Variants in ABTB3 observed in about 807,000 individuals in gnomAD.
The protein encoded by ABTB3 is ankyrin repeat- and BTB/POZ domain-containing protein 3.
the ABTB3 span, among the ~76,000 whole-genome samples, chr12:107,432,954 GCTT>G: frequency 1.6e-4 from 25 of 152,162 alleles, no homozygotes; most frequent in African/African-American, 5.6e-4. Flanking sequence ...CTATTTGCCT[GCTT>G]CTTCTTCACG....
At chr12:107,542,526 C>G in the ABTB3 span, among the ~76,000 whole-genome samples, 1 of 152,076 alleles carries the variant, frequency 6.6e-6, no homozygotes, top group Non-Finnish European at 1.5e-5. Context: ...TTCTGTAACA[C>G]CTGTTACGTA....
At chr12:107,614,610 G>A in the ABTB3 span, among the ~76,000 whole-genome samples, 1 of 152,128 alleles carries the variant, frequency 6.6e-6, no homozygotes. Flanking sequence ...GGAAGAAGGG[G>A]ACAGGCCAGA....
chr12:107,537,143 A>G, the ABTB3 span, among the ~76,000 whole-genome samples: 1 of 151,518 alleles, frequency 6.6e-6, no homozygotes, highest in African/African-American at 2.4e-5. Flanking sequence ...TAAATACCAC[A>G]TGATCTTCTT....
chr12:107,435,927 G>C, the ABTB3 span, among the ~76,000 whole-genome samples: 1 of 152,170 alleles, frequency 6.6e-6, no homozygotes, highest in African/African-American at 2.4e-5. Context: ...TTGAAATGGG[G>C]CAAGTGTGCC....
the ABTB3 span, among the ~76,000 whole-genome samples, chr12:107,646,361 C>T: frequency 1.3e-5 from 2 of 152,226 alleles, no homozygotes; most frequent in Non-Finnish European, 2.9e-5. Flanking sequence ...GCAGCCCCAC[C>T]TGGAATATAG....
the ABTB3 span, among the ~76,000 whole-genome samples, chr12:107,651,472 C>T: frequency 2.6e-5 from 4 of 152,170 alleles, no homozygotes; most frequent in East Asian, 5.8e-4. Flanking sequence ...CTCCCCCTCC[C>T]GCTCCCCCGT....
chr12:107,324,243 G>A, the ABTB3 span, among the ~76,000 whole-genome samples: 1 of 152,102 alleles, frequency 6.6e-6, no homozygotes, highest in Non-Finnish European at 1.5e-5. Context: ...AGCCAACAAG[G>A]CACAGAATTT....
chr12:107,319,602 T>C, the ABTB3 span: 1 of 1,537,236 alleles, frequency 6.5e-7, no homozygotes, highest in East Asian at 2.4e-5. Context: ...CGCTGGATGG[T>C]GGACAGCCGC....
At chr12:107,629,470 C>T in the ABTB3 span, among the ~76,000 whole-genome samples, 1 of 152,156 alleles carries the variant, frequency 6.6e-6, no homozygotes, top group Non-Finnish European at 1.5e-5. Context: ...TTTGTATGAC[C>T]ACACAGTTCT....
At chr12:107,645,014 C>T in the ABTB3 span, among the ~76,000 whole-genome samples, 1 of 141,472 alleles carries the variant, frequency 7.1e-6, no homozygotes, top group Non-Finnish European at 1.5e-5. Context: ...CCCTTGTTGC[C>T]CAGGCTGGAG....
chr12:107,319,092 G>T, the ABTB3 span: 2 of 1,608,960 alleles, frequency 1.2e-6, no homozygotes, highest in Non-Finnish European at 1.7e-6. Context: ...GGCGGGAGCT[G>T]CTGGCCGCCT....
At chr12:107,566,464 A>T in the ABTB3 span, among the ~76,000 whole-genome samples, 1 of 152,362 alleles carries the variant, frequency 6.6e-6, no homozygotes, top group South Asian at 2.1e-4. Flanking sequence ...TAGTTATAAC[A>T]GAATTACTAA....
the ABTB3 span, among the ~76,000 whole-genome samples, chr12:107,487,237 G>A: frequency 6.6e-6 from 1 of 152,158 alleles, no homozygotes; most frequent in African/African-American, 2.4e-5. Context: ...TGGGTCCTCA[G>A]TGCCTAGCCC....
chr12:107,404,162 C>CAA, the ABTB3 span, among the ~76,000 whole-genome samples: 1,858 of 39,318 alleles, frequency 0.047, 4 homozygotes, highest in Non-Finnish European at 0.063. Context: ...GACTCTAACT[C>CAA]AAAAAAAAAA....
chr12:107,642,136 A>G, the ABTB3 span: 3 of 1,614,010 alleles, frequency 1.9e-6, no homozygotes, highest in African/African-American at 4.0e-5. Context: ...TGGCACCTGC[A>G]TAGAGATTGG....
the ABTB3 span, among the ~76,000 whole-genome samples, chr12:107,554,232 C>T: frequency 1.3e-5 from 2 of 152,074 alleles, no homozygotes; most frequent in Admixed American, 1.3e-4. Context: ...TTATTTGGAA[C>T]CTAAGGATCG....
At chr12:107,544,579 G>A in the ABTB3 span, among the ~76,000 whole-genome samples, 2 of 152,334 alleles carry the variant, frequency 1.3e-5, no homozygotes, top group East Asian at 3.9e-4. Context: ...TGATTGCCCA[G>A]GGAGAGGCAG....
At chr12:107,453,058 T>C in the ABTB3 span, among the ~76,000 whole-genome samples, 1 of 152,036 alleles carries the variant, frequency 6.6e-6, no homozygotes, top group African/African-American at 2.4e-5. Flanking sequence ...GGGTCAGCTA[T>C]GGAACAGCAG....
chr12:107,511,508 C>T, the ABTB3 span, among the ~76,000 whole-genome samples: 3 of 151,670 alleles, frequency 2.0e-5, no homozygotes, highest in Non-Finnish European at 4.4e-5. Flanking sequence ...TCTAGGAGAG[C>T]CTTGGCTCTT....
Sources: allele counts gnomAD v4.1 joint callset (sites outside exome capture counted in the v4.1 genomes callset), GRCh38; gene constraint gnomAD v4.1.1; transcripts MANE v1.5; gene names NCBI Gene and HGNC (gene_info 2026-07-23, HGNC 2026-07-21).